The following AP4B1 variants were observed in gnomAD, a reference collection of about 807,000 sequenced individuals.
AP4B1 encodes adaptor related protein complex 4 subunit beta 1.
AP4B1 carries 49 observed loss-of-function variants against 76.5 expected under a neutral mutation model. The ratio of observed to expected loss-of-function variants is 0.64; its 90% confidence interval spans 0.51 to 0.81. The LOEUF (loss-of-function observed/expected upper bound fraction) is 0.81. Ranked by LOEUF, AP4B1 falls within the 40% of genes least tolerant of loss-of-function variation. The probability of loss-of-function intolerance (pLI) is 0.00; values close to 1 mark genes in which losing one functional copy is unlikely to be tolerated. For synonymous variants in AP4B1, 330 were observed against 333.3 expected, an observed-to-expected ratio of 0.99 and a Z score of 0.11; for missense variants, 911 against 904.9, an observed-to-expected ratio of 1.01 and a Z score of -0.09.
In AP4B1 at chr1:113,895,237, A is replaced by T; in HGVS notation, c.2048T>A (p.Leu683His). ...RAGSRPWKAY[L>H]SAQDDTGCLF... ...ACAGCCAGTATCATCCTGAGCACTG[A>T]GGTATGCTTTCCATGGCCGAGACCC... The change falls in exon 10 of 10, where the codon CTC becomes CAC. Residue 683 changes from leucine to histidine, a missense_variant. Leu to His is a moderately conservative substitution (Grantham distance 99). Coordinates refer to ENST00000369569, the MANE Select transcript of AP4B1 (RefSeq NM_001253852.3). 2 of 1,614,158 alleles carry T rather than the reference A, an allele frequency of 1.2e-6. No individual in the cohort carries two copies. The highest frequency in any genetic ancestry group is 1.7e-6 in the Non-Finnish European group (2 of 1,180,030).
rs752485233 is a variant in AP4B1 at position 113,895,756 on chromosome 1, C to T, written c.1792+1G>A. ...AGATTTAAGGTAAGGACTGTTTTTACCTGATGCGGCAAAGGATGAAGTTTT... is the reference window on the plus strand; with the variant it reads ...AGATTTAAGGTAAGGACTGTTTTTATCTGATGCGGCAAAGGATGAAGTTTT... On this transcript the variant is annotated splice_donor_variant, in intron 9 of 9. Coordinates refer to ENST00000369569, the MANE Select transcript of AP4B1 (RefSeq NM_001253852.3). LOFTEE classifies it high-confidence loss of function. 1 of 1,614,160 alleles carries T rather than the reference C, an allele frequency of 6.2e-7. No homozygotes were observed.
At chr1:113,900,559 GTT>G in intron 4 of AP4B1, 159 bp from the exon 5 acceptor site, 1 of 900,642 alleles carries the variant, frequency 1.1e-6, no homozygotes, top group Non-Finnish European at 1.6e-6. Flanking sequence ...ACTATTTAAA[GTT>G]TACACAAAAA....
At position 113,895,777 on chromosome 1, in the gene AP4B1, G is replaced by A. The variant is rs1346212680; in HGVS notation, c.1772C>T (p.Thr591Ile). ...AERCDPELPK[T>I]SSFAASGPLI... ...TTTACCTGATGCGGCAAAGGATGAA[G>A]TTTTAGGAAGCTCTGGGTCACAACG... The change falls in exon 9 of 10, where the codon ACT becomes ATT. Residue 591 changes from threonine to isoleucine, a missense_variant. Physicochemically the swap from Thr to Ile is moderately conservative, Grantham distance 89. Coordinates refer to ENST00000369569, the MANE Select transcript of AP4B1 (RefSeq NM_001253852.3). 1 of 1,614,106 alleles carries A rather than the reference G, an allele frequency of 6.2e-7. No homozygotes were observed. The highest frequency in any genetic ancestry group is 8.5e-7 in the Non-Finnish European group (1 of 1,180,050).
At chr1:113,902,102 C>A (rs557328961) in intron 2 of AP4B1, 8 of 542,972 alleles carry the variant, frequency 1.5e-5, no homozygotes, top group East Asian at 3.8e-5. Context: ...CCCAGTGGCC[C>A]GATCATAGCT....
chr1:113,901,151 A>T, intron 4 of AP4B1, 85 bp downstream of exon 4: 1 of 1,521,042 alleles, frequency 6.6e-7, no homozygotes, highest in Non-Finnish European at 9.1e-7. Context: ...TCTACCCCAC[A>T]TAAGTTGTTC....
intron 7 of AP4B1, chr1:113,897,542 C>T (rs952441628): frequency 1.2e-5 from 5 of 404,376 alleles, no homozygotes; most frequent in African/African-American, 6.2e-5. Flanking sequence ...TGCAGTGGGC[C>T]GAGATCACGC....
intron 4 of AP4B1, chr1:113,900,817 TG>T (rs1217624462): frequency 3.5e-6 from 1 of 283,062 alleles, no homozygotes; most frequent in Non-Finnish European, 6.8e-6. Context: ...GAGTTAATAG[TG>T]GTTAACTGGC....
chr1:113,896,414 T>A lies in AP4B1; in HGVS notation c.1354A>T (p.Asn452Tyr), dbSNP rs373631906. ...AAGTCCTCTAACACATAAGGAGCAT[T>A]AGGAATTCTTTCCCCATGGACACCA... ...LLGVHGERIP[N>Y]APYVLEDFVE... The change falls in exon 8 of 10, where the codon AAT (asparagine) becomes TAT (tyrosine). Residue 452 changes from asparagine (N) to tyrosine (Y), a missense_variant. Asn to Tyr is a moderately radical substitution (Grantham distance 143). Transcript: ENST00000369569. 1 of 1,614,194 alleles carries A rather than the reference T, an allele frequency of 6.2e-7. No homozygotes were observed. The highest frequency in any genetic ancestry group is 8.5e-7 in the Non-Finnish European group (1 of 1,180,036).
chr1:113,900,441 A>G, intron 4 of AP4B1, 41 bp from the exon 5 acceptor site: 1 of 1,609,988 alleles, frequency 6.2e-7, no homozygotes. Flanking sequence ...TTAGCAACAA[A>G]ATTAGGACCA....
chr1:113,904,356 T>C (rs996940443), intron 1 of AP4B1, among the ~76,000 whole-genome samples: 1 of 152,194 alleles, frequency 6.6e-6, no homozygotes, highest in Non-Finnish European at 1.5e-5. Context: ...AAGTCTGTAC[T>C]AGCTATATTA....
At chr1:113,900,588 G>A (rs1171697868) in intron 4 of AP4B1, 188 bp from the exon 5 acceptor site, 9 of 696,106 alleles carry the variant, frequency 1.3e-5, no homozygotes, top group Non-Finnish European at 2.1e-5. Context: ...AAAATTCCAA[G>A]ATGAGTTGTT....
At chr1:113,900,434 G>C in intron 4 of AP4B1, 34 bp from the exon 5 acceptor site, 1 of 1,612,148 alleles carries the variant, frequency 6.2e-7, no homozygotes, top group African/African-American at 1.3e-5. Context: ...AGCTATTTTA[G>C]CAACAAAATT....
Position 113,901,270 on chromosome 1 carries a change from T to A in AP4B1, c.583A>T (p.Ile195Phe). Residue 195 changes from isoleucine to phenylalanine, a missense_variant, in exon 4 of 10, where the codon ATC becomes TTC. Physicochemically the swap from Ile to Phe is conservative, Grantham distance 21. Coordinates refer to ENST00000369569, the MANE Select transcript of AP4B1 (RefSeq NM_001253852.3). ...AGATGGTGAGCAATGGGCTTATTGATGACAACGCCTCCTTCCTGTTTCAGA... is the reference window on the plus strand; with the variant it reads ...AGATGGTGAGCAATGGGCTTATTGAAGACAACGCCTCCTTCCTGTTTCAGA... ...EILKQEGGVV[I>F]NKPIAHHLLN... The A allele has an allele frequency of 6.2e-7, 1 of 1,614,226 alleles. No individual in the cohort carries two copies. Among genetic ancestry groups the A allele is most frequent in the Non-Finnish European group, 8.5e-7 (1 of 1,180,046 alleles).
At chr1:113,904,494 A>T in intron 1 of AP4B1, 111 bp downstream of exon 1, 2 of 1,016,726 alleles carry the variant, frequency 2.0e-6, no homozygotes, top group Admixed American at 1.7e-5. Context: ...ACCGAACCAT[A>T]TAACTGCCAC....
At position 113,895,233 on chromosome 1, in the gene AP4B1, ACT is replaced by A; in HGVS notation, c.2050_2051del (p.Ser684CysfsTer4). 1 of 1,614,186 alleles carries A rather than the reference ACT, an allele frequency of 6.2e-7. No individual in the cohort carries two copies. The highest frequency in any genetic ancestry group is 8.5e-7 in the Non-Finnish European group (1 of 1,180,044). ...AGSRPWKAYL[S>X]AQDDTGCLFL... is the part of the protein sequence containing the mutation. ...ACAGACAGCCAGTATCATCCTGAGC[ACT>A]GAGGTATGCTTTCCATGGCCGAGAC... On this transcript the variant is annotated frameshift_variant, in exon 10 of 10. Transcript: ENST00000369569. LOFTEE classifies it high-confidence loss of function.
chr1:113,895,600 T>C (rs1667368705), intron 9 of AP4B1, 108 bp from the exon 10 acceptor site: 3 of 1,544,846 alleles, frequency 1.9e-6, no homozygotes, highest in Non-Finnish European at 1.8e-6. Flanking sequence ...TTTGGACAAA[T>C]GGCTGAAATA....
rs980515923 is a variant in AP4B1, at chr1:113,897,959, G to A, written c.1199-16C>T. 1 of 1,614,122 alleles carries A rather than the reference G, an allele frequency of 6.2e-7. No homozygotes were observed. The highest frequency in any genetic ancestry group is 1.7e-5 in the Admixed American group (1 of 60,018). Reference sequence around the variant, plus strand: ...TGCACCACCACTACAATACAGGCCAGGGTACAAGAGCACAGGATTAGAGCC... The same window carrying A: ...TGCACCACCACTACAATACAGGCCAAGGTACAAGAGCACAGGATTAGAGCC... On this transcript the variant is annotated splice_polypyrimidine_tract_variant and intron_variant, in intron 6 of 9. Coordinates refer to ENST00000369569, the MANE Select transcript of AP4B1 (RefSeq NM_001253852.3).
At chr1:113,897,651 AC>A in intron 7 of AP4B1, 188 bp downstream of exon 7, 1 of 644,454 alleles carries the variant, frequency 1.6e-6, no homozygotes, top group Non-Finnish European at 2.7e-6. Context: ...TTGTAATAAA[AC>A]CCGTCGGATA....
intron 2 of AP4B1, 138 bp downstream of exon 2, chr1:113,902,500 T>C: frequency 1.1e-6 from 1 of 877,088 alleles, no homozygotes; most frequent in Non-Finnish European, 1.8e-6. Flanking sequence ...AAGCAGTGGC[T>C]GAAAATCTGA....
Sources: allele counts gnomAD v4.1 joint callset (sites outside exome capture counted in the v4.1 genomes callset), GRCh38; gene constraint gnomAD v4.1.1; transcripts MANE v1.5; gene names NCBI Gene and HGNC (gene_info 2026-07-23, HGNC 2026-07-21).